Variants in DNM1L observed in about 807,000 individuals in gnomAD.
DNM1L encodes dynamin-1-like protein.
In DNM1L, 33 loss-of-function variants were observed where a neutral mutation model predicts 92.8. The observed-to-expected ratio is 0.36, with a 90% CI of 0.27 to 0.48. The LOEUF is 0.48. DNM1L is among the 20% of genes least tolerant of loss of function. The pLI is 0.99. For missense variants in DNM1L, 485 were observed against 888.8 expected (o/e 0.55, Z 5.78); for synonymous variants, 284 against 305.0 (o/e 0.93, Z 0.72).
intron 1 of DNM1L, among the ~76,000 whole-genome samples, chr12:32,687,446 TTTG>T (rs144897387): frequency 1.4e-4 from 21 of 151,688 alleles, no homozygotes; most frequent in African/African-American, 4.1e-4. Flanking sequence ...GAGCAAAGAT[TTTG>T]TTGTTGTTGT....
chr12:32,710,799 T>C, intron 4 of DNM1L, 130 bp from the exon 5 acceptor site: 2 of 751,144 alleles, frequency 2.7e-6, no homozygotes, highest in South Asian at 3.9e-5. Flanking sequence ...CAGGTTTTGA[T>C]TGTTAAAAAA....
At chr12:32,718,128 A>G (rs899643816) in intron 6 of DNM1L, among the ~76,000 whole-genome samples, 3 of 140,482 alleles carry the variant, frequency 2.1e-5, no homozygotes, top group Admixed American at 7.9e-5. Context: ...TATAGTATAT[A>G]TATTTTATAT....
intron 9 of DNM1L, among the ~76,000 whole-genome samples, chr12:32,729,862 A>G (rs900576295): frequency 6.6e-6 from 1 of 152,224 alleles, no homozygotes; most frequent in African/African-American, 2.4e-5. Flanking sequence ...TGTTAGCATA[A>G]TATTAGACTA....
chr12:32,736,934 G>T, intron 13 of DNM1L, 171 bp from the exon 14 acceptor site: 1 of 663,830 alleles, frequency 1.5e-6, no homozygotes, highest in African/African-American at 1.8e-5. Context: ...AGAAGCTTTG[G>T]GTTAAATGAT....
At chr12:32,730,473 C>T (rs1199629301) in intron 9 of DNM1L, among the ~76,000 whole-genome samples, 2 of 152,224 alleles carry the variant, frequency 1.3e-5, no homozygotes, top group Non-Finnish European at 2.9e-5. Context: ...GAGGTCAAGG[C>T]GGGCGGATCA....
chr12:32,723,720 A>AT (rs1175281137), intron 9 of DNM1L, among the ~76,000 whole-genome samples: 1 of 150,614 alleles, frequency 6.6e-6, no homozygotes, highest in Non-Finnish European at 1.5e-5. Flanking sequence ...AAAAACAGGG[A>AT]TTCTATCTTT....
Position 32,743,719 on chromosome 12 carries a change from G to A in DNM1L, c.*309G>A, listed in dbSNP as rs1955473882. 8.0e-6 allele frequency: 3 copies of A among 373,988 alleles called. No individual in the cohort carries two copies. Among genetic ancestry groups the A allele is most frequent in the South Asian group, 3.3e-5 (1 of 30,714 alleles). The allele number at this position is 373,988 out of a possible 1,614,324, so 23.2% of individuals were successfully genotyped here. A position where few individuals can be genotyped will look rare whatever the true frequency, so the allele number is the denominator to read the frequency against. On this transcript the variant is annotated 3_prime_UTR_variant, in exon 20 of 20. Coordinates refer to ENST00000549701, the MANE Select transcript of DNM1L (RefSeq NM_012062.5). ...TCTAGTTGTGCAAAGCAGTTTGCCTGTGGATAAGATGACCTGTGTAATAAT... is the reference window on the plus strand; with the variant it reads ...TCTAGTTGTGCAAAGCAGTTTGCCTATGGATAAGATGACCTGTGTAATAAT...
In DNM1L at chr12:32,731,767, G is replaced by T; in HGVS notation, c.1357-87G>T. ...ACATGTAGTCTCAGCTACTTGGGAG[G>T]CTAAGGTGGGAGGATGGCTTAGTGA... is the stretch of plus-strand genomic sequence containing the variant. On this transcript the variant is annotated intron_variant, in intron 11 of 19. Coordinates refer to ENST00000549701, the MANE Select transcript of DNM1L (RefSeq NM_012062.5). The surrounding 1 kb of genome is among the most constrained non-coding windows in gnomAD (Gnocchi z 5.1). 8.5e-7 allele frequency: 1 copy of T among 1,172,562 alleles called. No homozygotes were observed. The highest frequency in any genetic ancestry group is 1.3e-5 in the South Asian group (1 of 79,000). 72.6% of individuals were successfully genotyped at this position (1,172,562 alleles called of 1,614,324 possible).
chr12:32,685,690 A>G (rs1233807572), intron 1 of DNM1L, among the ~76,000 whole-genome samples: 1 of 151,634 alleles, frequency 6.6e-6, no homozygotes, highest in African/African-American at 2.4e-5. Flanking sequence ...CATCCCCTCC[A>G]GGGTTCAGGT....
chr12:32,703,763 C>CT (rs1565503888), intron 2 of DNM1L, among the ~76,000 whole-genome samples: 2 of 151,972 alleles, frequency 1.3e-5, no homozygotes, highest in African/African-American at 4.8e-5. Context: ...GAAGTATAAT[C>CT]CATCTTAGAT....
At chr12:32,690,622 G>T (rs1213832466) in intron 1 of DNM1L, among the ~76,000 whole-genome samples, 1 of 152,038 alleles carries the variant, frequency 6.6e-6, no homozygotes. Flanking sequence ...TTATATCTGG[G>T]CAAGTTACAT....
intron 9 of DNM1L, chr12:32,726,658 TA>T (rs1398418561): frequency 1.4e-6 from 1 of 734,972 alleles, no homozygotes; most frequent in African/African-American, 1.8e-5. Context: ...GCAAGAAAAT[TA>T]AAGAAAGAGT....
chr12:32,702,715 A>T (rs751458327), intron 2 of DNM1L, among the ~76,000 whole-genome samples: 1 of 152,050 alleles, frequency 6.6e-6, no homozygotes, highest in Non-Finnish European at 1.5e-5. Flanking sequence ...AAAAAACCTC[A>T]TGAGCATCTG....
At chr12:32,740,803 A>G (rs1955235406) in intron 18 of DNM1L, among the ~76,000 whole-genome samples, 1 of 152,136 alleles carries the variant, frequency 6.6e-6, no homozygotes, top group African/African-American at 2.4e-5. Flanking sequence ...CCTAAATTTT[A>G]ATTTAGTAGT....
At chr12:32,700,416 T>C (rs1394231395) in intron 1 of DNM1L, among the ~76,000 whole-genome samples, 1 of 150,694 alleles carries the variant, frequency 6.6e-6, no homozygotes, top group African/African-American at 2.4e-5. Context: ...GTTAATGTAT[T>C]GATATGGAAC....
chr12:32,707,812 G>T (rs11833645), intron 3 of DNM1L, among the ~76,000 whole-genome samples: 21,503 of 151,878 alleles, frequency 0.14, 1,569 homozygotes, highest in Middle Eastern at 0.19. Flanking sequence ...TTAGCCCCGC[G>T]TGGTGGCATG....
intron 13 of DNM1L, among the ~76,000 whole-genome samples, chr12:32,735,494 C>G (rs1345845781): frequency 6.6e-6 from 1 of 152,072 alleles, no homozygotes; most frequent in African/African-American, 2.4e-5. Context: ...AATATCTATA[C>G]TTTTATTATC....
At chr12:32,732,017 T>G in intron 12 of DNM1L, 74 bp downstream of exon 12, 1 of 1,073,278 alleles carries the variant, frequency 9.3e-7, no homozygotes, top group Non-Finnish European at 1.4e-6. Context: ...TGCTTTTTAA[T>G]AAGCATTATA....
chr12:32,708,461 A>T (rs1401516018), intron 4 of DNM1L, among the ~76,000 whole-genome samples: 1 of 152,278 alleles, frequency 6.6e-6, no homozygotes, highest in South Asian at 2.1e-4. Context: ...TATAAATCAA[A>T]TATTTTATTT....
Sources: gnomAD v4.1 joint callset for allele counts (sites outside exome capture counted in the v4.1 genomes callset) on GRCh38, gnomAD v4.1.1 for gene constraint, Gnocchi (gnomAD v3.1) non-coding constraint, MANE v1.5 for transcripts, NCBI Gene and HGNC (gene_info 2026-07-23, HGNC 2026-07-21) for gene names.